The following DRC11L variants were observed in gnomAD, a reference collection of about 807,000 sequenced individuals.
DRC11L encodes dynein regulatory complex subunit 11 like, also known as dynein regulatory complex subunit like-11.
the DRC11L span, among the ~76,000 whole-genome samples, chr7:151,199,466 T>G: frequency 6.6e-6 from 1 of 152,168 alleles, no homozygotes; most frequent in South Asian, 2.1e-4. The surrounding 1 kb of genome is among the most constrained non-coding windows in gnomAD (Gnocchi z 5.2). Context: ...GCCGGGCTCA[T>G]TCCTCACCCA....
chr7:151,196,541 G>A, the DRC11L span: 2 of 399,584 alleles, frequency 5.0e-6, no homozygotes, highest in Admixed American at 4.4e-5. Context: ...TCTCACACCG[G>A]TTCTTCCATG....
the DRC11L span, chr7:151,194,537 CT>C: frequency 2.5e-6 from 1 of 399,376 alleles, no homozygotes; most frequent in Non-Finnish European, 4.4e-6. Context: ...TTCAATGCTA[CT>C]GACTCACTCT....
chr7:151,196,578 G>A, the DRC11L span: 23 of 399,728 alleles, frequency 5.8e-5, no homozygotes, highest in Admixed American at 5.3e-4. Flanking sequence ...ATGGATGGAT[G>A]CGTGAAGGTC....
the DRC11L span, chr7:151,202,818 G>A: frequency 1.5e-5 from 6 of 398,470 alleles, no homozygotes; most frequent in South Asian, 6.6e-4. Flanking sequence ...CAGAATCCAA[G>A]CACTTGCACT....
chr7:151,199,535 C>T, the DRC11L span, among the ~76,000 whole-genome samples: 10 of 152,166 alleles, frequency 6.6e-5, no homozygotes, highest in South Asian at 1.7e-3. The surrounding 1 kb of genome is among the most constrained non-coding windows in gnomAD (Gnocchi z 5.2). Flanking sequence ...GGCCTGCTCT[C>T]GTCTCCTGGG....
the DRC11L span, chr7:151,191,783 G>A: frequency 4.8e-5 from 19 of 399,088 alleles, no homozygotes; most frequent in East Asian, 7.1e-5. Context: ...AATGTGACCC[G>A]GCGTGTAGCC....
the DRC11L span, chr7:151,198,049 G>C: frequency 5.5e-6 from 2 of 363,608 alleles, no homozygotes; most frequent in African/African-American, 4.2e-5. Context: ...TAGGTAGAAG[G>C]GTGAGTGGGT....
chr7:151,197,258 C>T, the DRC11L span: 1 of 399,322 alleles, frequency 2.5e-6, no homozygotes, highest in African/African-American at 2.1e-5. Context: ...TCATCCTTTC[C>T]TTTTTCCTTG....
chr7:151,202,471 AC>A, the DRC11L span, among the ~76,000 whole-genome samples: 1 of 152,162 alleles, frequency 6.6e-6, no homozygotes, highest in African/African-American at 2.4e-5. Flanking sequence ...CCTACTACAA[AC>A]CCTTTTGAAA....
chr7:151,193,381 G>A, the DRC11L span: 16 of 399,412 alleles, frequency 4.0e-5, no homozygotes, highest in African/African-American at 1.4e-4. Flanking sequence ...ACAGGTTGGC[G>A]CCAGTTTCTG....
chr7:151,204,848 G>A, the DRC11L span: 4 of 399,028 alleles, frequency 1.0e-5, no homozygotes, highest in African/African-American at 4.1e-5. Context: ...TGGGGAGAGG[G>A]TGGCGGGCGC....
the DRC11L span, among the ~76,000 whole-genome samples, chr7:151,193,884 G>T: frequency 2.7e-5 from 4 of 150,884 alleles, no homozygotes; most frequent in African/African-American, 9.8e-5. Context: ...TCCAGCCTGG[G>T]CGACAGACTG....
chr7:151,199,278 C>A, the DRC11L span, among the ~76,000 whole-genome samples: 1 of 152,150 alleles, frequency 6.6e-6, no homozygotes, highest in East Asian at 1.9e-4. The surrounding 1 kb of genome is among the most constrained non-coding windows in gnomAD (Gnocchi z 5.2). Flanking sequence ...CCCCAGCACA[C>A]CCTCCCCTGG....
At chr7:151,192,250 G>GCCGT in the DRC11L span, 1 of 398,944 alleles carries the variant, frequency 2.5e-6, no homozygotes, top group African/African-American at 2.1e-5. Flanking sequence ...GGTAGGCGCA[G>GCCGT]CCGTCCCCAC....
the DRC11L span, chr7:151,195,877 C>T: frequency 3.5e-5 from 13 of 366,418 alleles, no homozygotes; most frequent in African/African-American, 2.5e-4. Flanking sequence ...TAATCCTCTT[C>T]CTGCTCTCTC....
chr7:151,194,757 C>T, the DRC11L span, among the ~76,000 whole-genome samples: 1 of 152,196 alleles, frequency 6.6e-6, no homozygotes, highest in Non-Finnish European at 1.5e-5. Flanking sequence ...TCTACAGTGC[C>T]TGCAAACAGG....
the DRC11L span, chr7:151,204,943 A>G: frequency 3.3e-5 from 13 of 398,264 alleles, no homozygotes; most frequent in Non-Finnish European, 5.8e-5. Flanking sequence ...AGAAGGTGTG[A>G]TGTCACTCAT....
the DRC11L span, among the ~76,000 whole-genome samples, chr7:151,199,322 C>T: frequency 6.6e-6 from 1 of 152,140 alleles, no homozygotes. This position sits in a 1 kb window ranked among gnomAD's most constrained non-coding sequence, Gnocchi z 5.2. Context: ...TGCACCCCCG[C>T]CCCGCGGCCG....
At chr7:151,203,224 AGTCTT>A in the DRC11L span, 1 of 398,046 alleles carries the variant, frequency 2.5e-6, no homozygotes, top group Non-Finnish European at 4.4e-6. Context: ...TGGGAGGCCA[AGTCTT>A]GTCTTGGCGT....
Sources: gnomAD v4.1 joint callset for allele counts (sites outside exome capture counted in the v4.1 genomes callset) on GRCh38, gnomAD v4.1.1 for gene constraint, Gnocchi (gnomAD v3.1) non-coding constraint, MANE v1.5 for transcripts, NCBI Gene and HGNC (gene_info 2026-07-23, HGNC 2026-07-21) for gene names.